Variants in RANBP17 observed in about 807,000 individuals in gnomAD.
RANBP17 encodes RAN binding protein 17.
Under a neutral mutation model 141.2 loss-of-function variants are expected in RANBP17, and 158 were observed. The observed-to-expected ratio is 1.12, with a 90% confidence interval of 0.98 to 1.28. RANBP17 has a LOEUF of 1.28. Ranked by LOEUF, RANBP17 falls within the 50% of genes most tolerant of loss-of-function variation. The probability of loss-of-function intolerance (pLI) is 0.00; values close to 1 mark genes in which losing one functional copy is unlikely to be tolerated. For missense variants in RANBP17, 1,438 were observed against 1,290.7 expected (o/e 1.11, Z -1.75); for synonymous variants, 430 against 450.0 (o/e 0.96, Z 0.56).
intron 14 of RANBP17, among the ~76,000 whole-genome samples, chr5:171,159,045 A>T (rs1459953463): frequency 1.3e-5 from 2 of 152,234 alleles, no homozygotes; most frequent in African/African-American, 4.8e-5. Flanking sequence ...CACTTTGCTG[A>T]ATTATTCATT....
At chr5:170,982,236 A>G (rs1375491198) in intron 14 of RANBP17, among the ~76,000 whole-genome samples, 1 of 140,466 alleles carries the variant, frequency 7.1e-6, no homozygotes, top group Non-Finnish European at 1.5e-5. Context: ...ATATAGATAT[A>G]TAGGATCCTC....
chr5:171,060,584 T>A (rs1783755589), intron 14 of RANBP17, among the ~76,000 whole-genome samples: 1 of 152,210 alleles, frequency 6.6e-6, no homozygotes, highest in South Asian at 2.1e-4. Context: ...ATTGAGGATT[T>A]TTGTATCAAT....
chr5:171,139,503 C>T (rs1167362728), intron 14 of RANBP17, among the ~76,000 whole-genome samples: 1 of 152,186 alleles, frequency 6.6e-6, no homozygotes, highest in Non-Finnish European at 1.5e-5. Context: ...ACCTGGTCTT[C>T]TTTAATTGTC....
At chr5:170,991,604 T>A (rs963901860) in intron 14 of RANBP17, among the ~76,000 whole-genome samples, 6 of 151,938 alleles carry the variant, frequency 3.9e-5, no homozygotes, top group Admixed American at 2.6e-4. Context: ...CAGATAGATC[T>A]CCAGCCAGCT....
chr5:171,148,607 T>A (rs1281749116), intron 14 of RANBP17, among the ~76,000 whole-genome samples: 12 of 150,166 alleles, frequency 8.0e-5, no homozygotes, highest in Admixed American at 6.0e-4. Flanking sequence ...TTGATATATA[T>A]ATATATATAG....
chr5:171,258,148 CACACACACACA>C (rs1766041811), intron 24 of RANBP17, among the ~76,000 whole-genome samples: 2 of 150,974 alleles, frequency 1.3e-5, no homozygotes, highest in South Asian at 2.1e-4. Context: ...CACACACACA[CACACACACACA>C]CCCCTAGGAA....
At chr5:171,019,742 TTCCATGTCTTGATC>T (rs1294306887) in intron 14 of RANBP17, among the ~76,000 whole-genome samples, 1 of 152,044 alleles carries the variant, frequency 6.6e-6, no homozygotes, top group Non-Finnish European at 1.5e-5. Flanking sequence ...TTGGAGGGGT[TTCCATGTCTTGATC>T]TCCTTAAGTT....
At chr5:170,871,974 T>C (rs1401705057) in intron 1 of RANBP17, among the ~76,000 whole-genome samples, 1 of 152,234 alleles carries the variant, frequency 6.6e-6, no homozygotes, top group African/African-American at 2.4e-5. Context: ...CTTTGTTCTT[T>C]TTGCTTAGGA....
intron 14 of RANBP17, among the ~76,000 whole-genome samples, chr5:171,062,703 G>C (rs1205941241): frequency 6.6e-6 from 1 of 152,112 alleles, no homozygotes; most frequent in East Asian, 1.9e-4. Context: ...CTGAATGTTG[G>C]CCTGCCTTTC....
At chr5:171,255,493 T>C (rs1250548332) in intron 24 of RANBP17, among the ~76,000 whole-genome samples, 1 of 152,176 alleles carries the variant, frequency 6.6e-6, no homozygotes, top group Non-Finnish European at 1.5e-5. Flanking sequence ...TTCTAGTATA[T>C]GTATTGAGTT....
intron 14 of RANBP17, among the ~76,000 whole-genome samples, chr5:170,976,629 T>C (rs1777397476): frequency 6.6e-6 from 1 of 152,172 alleles, no homozygotes; most frequent in Non-Finnish European, 1.5e-5. Flanking sequence ...TATTAAGTTA[T>C]AGTAATTATA....
rs574317212 is a variant in RANBP17, at chr5:170,895,985, G to T, written c.424-65G>T. On this transcript the variant is annotated intron_variant, in intron 4 of 27. Transcript: ENST00000523189. ...CTTTAATTGTTTGTAAATGTTACCTGGTATATACATTAAGAACCAATCACT... is the reference window on the plus strand; with the variant it reads ...CTTTAATTGTTTGTAAATGTTACCTTGTATATACATTAAGAACCAATCACT... 3.5e-6 allele frequency: 3 copies of T among 845,500 alleles called. No individual in the cohort carries two copies. In the East Asian group the frequency reaches 8.3e-5, roughly 23 times the overall value. The allele number at this position is 845,500 out of a possible 1,614,324, so 52.4% of individuals were successfully genotyped here. A position where few individuals can be genotyped will look rare whatever the true frequency, so the allele number is the denominator to read the frequency against.
Position 171,299,140 on chromosome 5 carries a change from T to A in RANBP17, c.*282T>A. On this transcript the variant is annotated 3_prime_UTR_variant, in exon 28 of 28. Coordinates refer to ENST00000523189, the MANE Select transcript of RANBP17 (RefSeq NM_022897.5). ...ATGCTCTGAAAGGATGTAGAAACAA[T>A]ATTTAACCAAAGAACGTAATAAACC... 3.1e-6 allele frequency: 1 copy of A among 324,822 alleles called. No homozygotes were observed. The highest frequency in any genetic ancestry group is 5.7e-6 in the Non-Finnish European group (1 of 174,860). 20.1% of individuals were successfully genotyped at this position (324,822 alleles called of 1,614,324 possible).
At chr5:170,889,721 A>G (rs576735482) in intron 3 of RANBP17, among the ~76,000 whole-genome samples, 3 of 152,188 alleles carry the variant, frequency 2.0e-5, no homozygotes, top group East Asian at 1.9e-4. Context: ...TAGCTTTCCA[A>G]CTTTCTACTG....
At chr5:171,238,035 C>T (rs1350159906) in intron 22 of RANBP17, among the ~76,000 whole-genome samples, 1 of 152,118 alleles carries the variant, frequency 6.6e-6, no homozygotes. Context: ...CATGGCCAAG[C>T]CTTCTTTTCC....
intron 14 of RANBP17, chr5:170,970,537 A>G (rs1217982876): frequency 1.3e-5 from 2 of 152,132 alleles, no homozygotes; most frequent in Non-Finnish European, 2.9e-5. Flanking sequence ...GTATTAGAAG[A>G]AAATGTTTCC....
intron 14 of RANBP17, among the ~76,000 whole-genome samples, chr5:171,102,845 C>T (rs1279223580): frequency 1.3e-5 from 2 of 152,002 alleles, no homozygotes; most frequent in East Asian, 1.9e-4. Context: ...TTCCTTCTAA[C>T]AGTCAGACCC....
At chr5:170,920,259 G>A (rs936478988) in intron 11 of RANBP17, among the ~76,000 whole-genome samples, 1 of 152,104 alleles carries the variant, frequency 6.6e-6, no homozygotes, top group African/African-American at 2.4e-5. Flanking sequence ...CAAAGTGGCT[G>A]TACCATTTTG....
At position 170,871,300 on chromosome 5, in the gene RANBP17, GCCTCCCAAA is replaced by G. The variant is rs1767702917; in HGVS notation, c.19-6796_19-6788del. Among the ~76,000 whole-genome samples the G allele has an allele frequency of 2.2e-4, 6 of 27,796 alleles. No homozygotes were observed. In the Admixed American group the frequency reaches 3.2e-3, roughly 15 times the overall value. 18.2% of individuals were successfully genotyped at this position (27,796 alleles called of 152,430 possible). A position where few individuals can be genotyped will look rare whatever the true frequency, so the allele number is the denominator to read the frequency against. On this transcript the variant is annotated intron_variant, in intron 1 of 27. Coordinates refer to ENST00000523189, the MANE Select transcript of RANBP17 (RefSeq NM_022897.5). ...CTGACCTCATGATCCGCCTGCCTCT[GCCTCCCAAA>G]GTTCTGGGATTACAGGTGTGAGCCA...
Sources: gnomAD v4.1 joint callset for allele counts (sites outside exome capture counted in the v4.1 genomes callset) on GRCh38, gnomAD v4.1.1 for gene constraint, MANE v1.5 for transcripts, NCBI Gene and HGNC (gene_info 2026-07-23, HGNC 2026-07-21) for gene names.